PITRM1: variants seen among roughly 807,000 people sequenced by gnomAD.
The protein encoded by PITRM1 is presequence protease, mitochondrial.
PITRM1 carries 100 observed loss-of-function variants against 129.9 expected under a neutral mutation model. The ratio of observed to expected loss-of-function variants is 0.77; its 90% confidence interval spans 0.65 to 0.91. The LOEUF (loss-of-function observed/expected upper bound fraction) is 0.91. PITRM1 is among the 40% of genes least tolerant of loss of function. The probability of loss-of-function intolerance (pLI) is 0.00; values close to 1 mark genes in which losing one functional copy is unlikely to be tolerated. For synonymous variants in PITRM1, 591 were observed against 508.8 expected, an observed-to-expected ratio of 1.16 and a Z score of -2.17; for missense variants, 1,471 against 1,318.3, an observed-to-expected ratio of 1.12 and a Z score of -1.79.
rs763614391 is a variant in PITRM1, at chr10:3,166,221, G to C, written c.418+8C>G. The C allele has an allele frequency of 6.2e-7, 1 of 1,604,034 alleles. No homozygotes were observed. Among genetic ancestry groups the C allele is most frequent in the South Asian group, 1.1e-5 (1 of 89,654 alleles). On this transcript the variant is annotated splice_region_variant and intron_variant, in intron 4 of 26. Coordinates refer to ENST00000224949, the MANE Select transcript of PITRM1 (RefSeq NM_014889.4). ...AAAAGCAGTTTCTGTTCAGGATGCT[G>C]GTCTTACCTGTGAAGGCGTTCATGA... is the stretch of plus-strand genomic sequence containing the variant.
At chr10:3,165,646 G>C (rs1019887313) in intron 4 of PITRM1, 119 bp from the exon 5 acceptor site, 1 of 672,584 alleles carries the variant, frequency 1.5e-6, no homozygotes, top group African/African-American at 1.8e-5. Flanking sequence ...TCTTGGGATG[G>C]GGCAGTGGCC....
chr10:3,147,278 G>C (rs760248953), intron 19 of PITRM1, 28 bp from the exon 20 acceptor site: 1 of 1,494,240 alleles, frequency 6.7e-7, no homozygotes, highest in Non-Finnish European at 9.3e-7. Flanking sequence ...CGCTCAGAGA[G>C]AGGCAGAGGC....
In PITRM1 at chr10:3,156,474, C is replaced by T. The variant is rs144533277; in HGVS notation, c.1482+456G>A. On this transcript the variant is annotated intron_variant, in intron 13 of 26. Transcript: ENST00000224949. Reference sequence around the variant, plus strand: ...CAGCAGACAACAGTCTCTCCCACCACGGGAACCCTTTTTAAAAGTTCTACC... The same window carrying T: ...CAGCAGACAACAGTCTCTCCCACCATGGGAACCCTTTTTAAAAGTTCTACC... Among the ~76,000 whole-genome samples, 132 of 152,296 alleles carry T rather than the reference C, an allele frequency of 8.7e-4. 1 individual carries two copies. Among genetic ancestry groups the T allele is most frequent in the African/African-American group, 3.1e-3 (129 of 41,564 alleles).
intron 2 of PITRM1, among the ~76,000 whole-genome samples, chr10:3,168,523 G>T (rs1296160566): frequency 6.8e-6 from 1 of 147,858 alleles, no homozygotes. Flanking sequence ...ATCTTGAATT[G>T]TAGTTTCCAT....
rs1289580836 is a variant in PITRM1 at position 3,147,775 on chromosome 10, A to G, written c.2070-38T>C. On this transcript the variant is annotated intron_variant, in intron 18 of 26. Coordinates refer to ENST00000224949, the MANE Select transcript of PITRM1 (RefSeq NM_014889.4). The stretch of plus-strand genomic sequence containing the variant: ...GAGAAGAAAAAATTCCTGGAGACCC[A>G]TTCCTCACGTCCCTTCAGTATCATG... 2.0e-6 allele frequency: 3 copies of G among 1,526,500 alleles called. No individual in the cohort carries two copies. In the African/African-American group the frequency reaches 4.2e-5, roughly 21 times the overall value. 94.6% of individuals were successfully genotyped at this position (1,526,500 alleles called of 1,614,324 possible).
intron 14 of PITRM1, among the ~76,000 whole-genome samples, chr10:3,155,289 G>A (rs536017314): frequency 2.0e-5 from 3 of 152,280 alleles, no homozygotes; most frequent in African/African-American, 4.8e-5. Flanking sequence ...CAGGCAACAC[G>A]CACTGCAGCA....
At chr10:3,144,193 C>A in intron 22 of PITRM1, 99 bp downstream of exon 22, 1 of 711,516 alleles carries the variant, frequency 1.4e-6, no homozygotes, top group South Asian at 1.7e-5. Flanking sequence ...GCCAGCCCCA[C>A]AGACAGGCGG....
intron 18 of PITRM1, 34 bp from the exon 19 acceptor site, chr10:3,147,771 AC>A: frequency 6.5e-7 from 1 of 1,541,964 alleles, no homozygotes; most frequent in Non-Finnish European, 8.7e-7. Context: ...ATTCCTGGAG[AC>A]CCATTCCTCA....
intron 14 of PITRM1, among the ~76,000 whole-genome samples, chr10:3,155,001 G>A (rs952866973): frequency 3.9e-5 from 6 of 152,204 alleles, no homozygotes; most frequent in African/African-American, 7.2e-5. Flanking sequence ...TGAGGCTGCA[G>A]CTACACTGCT....
Position 3,147,171 on chromosome 10 carries a change from A to G in PITRM1, c.2315T>C (p.Leu772Ser), listed in dbSNP as rs765828800. ...GCACCTCATATTATCACCATTTAAC[A>G]AGTGTTTCTTGATACGCGGGAGCTT... is the stretch of plus-strand genomic sequence containing the variant. Reference protein sequence around the residue: ...LRKLPRIKKHLLNGDNMRCSV... With the variant: ...LRKLPRIKKHSLNGDNMRCSV... Residue 772 changes from leucine (L) to serine (S), a missense_variant, in exon 20 of 27, where the codon TTG becomes TCG. Transcript: ENST00000224949. 5.4e-5 allele frequency: 85 copies of G among 1,572,686 alleles called. No individual in the cohort carries two copies. Among genetic ancestry groups the G allele is most frequent in the Non-Finnish European group, 7.2e-5 (82 of 1,142,602 alleles).
chr10:3,145,778 C>T, intron 20 of PITRM1, 62 bp from the exon 21 acceptor site: 13 of 1,248,322 alleles, frequency 1.0e-5, no homozygotes, highest in African/African-American at 1.5e-5. Flanking sequence ...AGTAATTCAT[C>T]ACATTTTGTA....
rs749053374 is a variant in PITRM1, at chr10:3,160,249, A to C, written c.873T>G (p.Ile291Met). 34 of 1,613,838 alleles carry C rather than the reference A, an allele frequency of 2.1e-5. No individual in the cohort carries two copies. The South Asian group carries it at 3.6e-4, about 17-fold the overall frequency. The change falls in exon 8 of 27, where the codon ATT (isoleucine) becomes ATG (methionine). Residue 291 changes from isoleucine to methionine, a missense_variant. Transcript: ENST00000224949. ...GAGCTGGCACCACGGTGCTTGGTTC[A>C]ATTTTCTGGAATTTGCTCAGTGCTT... The part of the protein sequence containing the change: ...HEEALSKFQK[I>M]EPSTVVPAQT...
intron 14 of PITRM1, among the ~76,000 whole-genome samples, chr10:3,152,638 AGACCTGG>A (rs1379585369): frequency 2.0e-5 from 3 of 152,230 alleles, no homozygotes; most frequent in Non-Finnish European, 4.4e-5. Flanking sequence ...CACGGAGCTC[AGACCTGG>A]GCTCTGCAGG....
chr10:3,145,460 T>G (rs752030276), intron 21 of PITRM1, 136 bp downstream of exon 21: 12 of 709,692 alleles, frequency 1.7e-5, no homozygotes, highest in Non-Finnish European at 2.1e-5. Context: ...GAACCTCAGT[T>G]TCTTCATCTG....
Position 3,140,011 on chromosome 10 carries a change from G to C in PITRM1, c.2771+676C>G, listed in dbSNP as rs993192479. On this transcript the variant is annotated intron_variant, in intron 24 of 26. Coordinates refer to ENST00000224949, the MANE Select transcript of PITRM1 (RefSeq NM_014889.4). ...AGGCTGTATCAGCCCCCTCACCTGG[G>C]GCCTGTGTTTCAGGACCCCCACGGC... Among the ~76,000 whole-genome samples, 7 of 152,254 alleles carry C rather than the reference G, an allele frequency of 4.6e-5. No homozygotes were observed. The East Asian group carries it at 1.4e-3, about 29-fold the overall frequency.
Position 3,155,676 on chromosome 10 carries a change from C to T in PITRM1, c.1536G>A (p.Glu512=). 6.2e-7 allele frequency: 1 copy of T among 1,613,930 alleles called. No individual in the cohort carries two copies. The stretch of plus-strand genomic sequence containing the variant: ...TCGTGGCTTCCACCTGTGCCTGCTT[C>T]TCGTGATACTTGTCATCTGGCCTCA... ...LSMRPDDKYH[E]KQAQVEATKL... Residue 512 remains glutamate (E), a synonymous_variant, in exon 14 of 27, where the codon GAG becomes GAA. Coordinates refer to ENST00000224949, the MANE Select transcript of PITRM1 (RefSeq NM_014889.4).
chr10:3,138,828 A>G, intron 25 of PITRM1, 76 bp downstream of exon 25: 1 of 1,414,592 alleles, frequency 7.1e-7, no homozygotes, highest in Non-Finnish European at 1.0e-6. Context: ...CTGCCCATGC[A>G]TGCCGGGAAC....
intron 10 of PITRM1, 132 bp from the exon 11 acceptor site, chr10:3,158,285 A>G: frequency 3.2e-6 from 2 of 634,372 alleles, no homozygotes. Context: ...TCATTAAAGC[A>G]GTGTTCTCAA....
At position 3,138,323 on chromosome 10, in the gene PITRM1, A is replaced by C. The variant is rs1367553585; in HGVS notation, c.2932T>G (p.Leu978Val). ...APSDKGMDHF[L>V]YGLSDEMKQA... ...TTCATCTCATCCGAGAGGCCGTACA[A>C]GAAGTGGTCCATTCCTAGAAGACAA... Residue 978 changes from leucine to valine, a missense_variant, in exon 26 of 27, where the codon TTG becomes GTG. Leu to Val is a conservative substitution (Grantham distance 32). Transcript: ENST00000224949. 6.2e-7 allele frequency: 1 copy of C among 1,613,038 alleles called. No homozygotes were observed. The highest frequency in any genetic ancestry group is 8.5e-7 in the Non-Finnish European group (1 of 1,179,046).
Sources: gnomAD v4.1 joint callset for allele counts (sites outside exome capture counted in the v4.1 genomes callset) on GRCh38, gnomAD v4.1.1 for gene constraint, MANE v1.5 for transcripts, NCBI Gene and HGNC (gene_info 2026-07-23, HGNC 2026-07-21) for gene names.